Variants in SBF2 observed in about 807,000 individuals in gnomAD.
SBF2 encodes the protein myotubularin-related protein 13.
In SBF2, 112 loss-of-function variants were observed where a neutral mutation model predicts 225.2. The ratio of observed to expected loss-of-function variants is 0.50; its 90% confidence interval spans 0.43 to 0.58. The LOEUF (loss-of-function observed/expected upper bound fraction) is 0.58. Ranked by LOEUF, SBF2 falls within the 20% of genes least tolerant of loss-of-function variation. The pLI is 0.00. For missense variants in SBF2, 1,996 were observed against 2,206.2 expected (o/e 0.90, Z 1.91); for synonymous variants, 763 against 773.3 (o/e 0.99, Z 0.22).
Position 10,031,137 on chromosome 11 carries a change from T to C in SBF2, c.313A>G (p.Lys105Glu), listed in dbSNP as rs139730490. The C allele has an allele frequency of 6.2e-7, 1 of 1,613,630 alleles. No homozygotes were observed. Among genetic ancestry groups the C allele is most frequent in the East Asian group, 2.2e-5 (1 of 44,772 alleles). ...TKKEEIEGEAKVSGLIQPAEV... is the reference protein window; with the variant it reads ...TKKEEIEGEAEVSGLIQPAEV... ...GCAGGCTGAATTAAACCAGACACTT[T>C]TGCTTCACCTTCAATCTCTTCCTTC... The change falls in exon 4 of 40, where the codon AAA becomes GAA. Residue 105 changes from lysine (K) to glutamate (E), a missense_variant. By Grantham distance (56) the Lys-to-Glu change is moderately conservative. Transcript: ENST00000256190.
intron 2 of SBF2, among the ~76,000 whole-genome samples, chr11:10,066,358 CTTTTA>C (rs1262726103): frequency 3.3e-5 from 5 of 150,340 alleles, no homozygotes; most frequent in African/African-American, 9.8e-5. Flanking sequence ...ATATATATAT[CTTTTA>C]TTTTAGCAAA....
At chr11:10,058,237 C>CA (rs1445787530) in intron 2 of SBF2, among the ~76,000 whole-genome samples, 1 of 151,960 alleles carries the variant, frequency 6.6e-6, no homozygotes, top group Non-Finnish European at 1.5e-5. Flanking sequence ...AGGAGGATGG[C>CA]AAAACCCAAT....
At chr11:10,099,323 G>GA (rs554143369) in intron 2 of SBF2, among the ~76,000 whole-genome samples, 55 of 152,150 alleles carry the variant, frequency 3.6e-4, no homozygotes, top group South Asian at 1.7e-3. Context: ...TCAAAGGGCT[G>GA]AAAAAAACCA....
At chr11:10,118,314 C>T (rs61291463) in intron 2 of SBF2, among the ~76,000 whole-genome samples, 2,270 of 152,114 alleles carry the variant, frequency 0.015, 46 homozygotes, top group African/African-American at 0.039. Flanking sequence ...TTCCAGATTA[C>T]GACAGGGACT....
chr11:9,853,522 T>G lies in SBF2; in HGVS notation c.2536+18A>C. 6.2e-7 allele frequency: 1 copy of G among 1,609,518 alleles called. No homozygotes were observed. Among genetic ancestry groups the G allele is most frequent in the Non-Finnish European group, 8.5e-7 (1 of 1,175,872 alleles). Reference sequence around the variant, plus strand: ...AATCTCCAATATTCTGATTCTCTAATATCTGCAGAGTGATTACCTGGTATC... The same window carrying G: ...AATCTCCAATATTCTGATTCTCTAAGATCTGCAGAGTGATTACCTGGTATC... On this transcript the variant is annotated intron_variant, in intron 20 of 39. Transcript: ENST00000256190.
intron 1 of SBF2, among the ~76,000 whole-genome samples, chr11:10,242,681 C>A (rs142280015): frequency 3.3e-5 from 5 of 152,100 alleles, no homozygotes; most frequent in African/African-American, 1.2e-4. Context: ...CAAAAGAGAG[C>A]AAGGGTGACT....
intron 30 of SBF2, among the ~76,000 whole-genome samples, chr11:9,809,897 C>T (rs1854080842): frequency 6.6e-6 from 1 of 152,066 alleles, no homozygotes; most frequent in Admixed American, 6.5e-5. Flanking sequence ...GATAGTTACA[C>T]AATGTTGTGG....
At chr11:9,851,000 G>A (rs1856887777) in intron 21 of SBF2, among the ~76,000 whole-genome samples, 2 of 152,056 alleles carry the variant, frequency 1.3e-5, no homozygotes, top group African/African-American at 2.4e-5. Context: ...GCTGGGCATG[G>A]TGGCAGGCGC....
chr11:9,819,336 T>C (rs189301504), intron 28 of SBF2: 1 of 152,192 alleles, frequency 6.6e-6, no homozygotes, highest in African/African-American at 2.4e-5. Context: ...GAAAGAGAAA[T>C]AAAATGTATA....
intron 13 of SBF2, among the ~76,000 whole-genome samples, chr11:9,981,099 T>A (rs930254964): frequency 2.0e-5 from 3 of 152,208 alleles, no homozygotes; most frequent in Non-Finnish European, 4.4e-5. Context: ...AAATTTCAAA[T>A]GAATGTGACA....
chr11:9,975,695 C>T (rs957705418), intron 13 of SBF2, among the ~76,000 whole-genome samples: 6 of 152,100 alleles, frequency 3.9e-5, no homozygotes, highest in African/African-American at 1.4e-4. Flanking sequence ...GAGGGGGGTT[C>T]AATTTGAAGC....
At chr11:9,928,936 T>A (rs1197248537) in intron 16 of SBF2, 2 of 433,944 alleles carry the variant, frequency 4.6e-6, no homozygotes, top group Non-Finnish European at 8.8e-6. Flanking sequence ...GCAATTTTCT[T>A]GTTCGAGTTC....
At chr11:10,221,895 T>C (rs1958351936) in intron 1 of SBF2, among the ~76,000 whole-genome samples, 1 of 152,174 alleles carries the variant, frequency 6.6e-6, no homozygotes, top group Non-Finnish European at 1.5e-5. Context: ...TGTTTTACTA[T>C]CTTGAAGAAT....
At chr11:10,222,032 C>G (rs1201648889) in intron 1 of SBF2, among the ~76,000 whole-genome samples, 1 of 152,188 alleles carries the variant, frequency 6.6e-6, no homozygotes, top group Non-Finnish European at 1.5e-5. Context: ...TGGCTGACCC[C>G]TGAACCAAAC....
intron 2 of SBF2, among the ~76,000 whole-genome samples, chr11:10,054,148 T>C (rs572766163): frequency 9.8e-5 from 15 of 152,346 alleles, no homozygotes; most frequent in Admixed American, 3.3e-4. Flanking sequence ...GTCACCTATA[T>C]TGCTTTTGGT....
intron 2 of SBF2, among the ~76,000 whole-genome samples, chr11:10,066,697 C>T (rs1008424884): frequency 6.6e-6 from 1 of 152,106 alleles, no homozygotes; most frequent in African/African-American, 2.4e-5. Flanking sequence ...TGCTTTTCCA[C>T]TAAGATCAGA....
chr11:9,915,057 TGGA>T (rs1165518591), intron 16 of SBF2, among the ~76,000 whole-genome samples: 1 of 151,516 alleles, frequency 6.6e-6, no homozygotes, highest in East Asian at 1.9e-4. Context: ...AAAAGACAAG[TGGA>T]GAAGGATGAA....
chr11:10,215,641 C>G (rs1022209889), intron 1 of SBF2, among the ~76,000 whole-genome samples: 1 of 148,840 alleles, frequency 6.7e-6, no homozygotes, highest in Non-Finnish European at 1.5e-5. Flanking sequence ...AAACAAAAAA[C>G]CATGTACCTC....
intron 32 of SBF2, among the ~76,000 whole-genome samples, chr11:9,806,773 T>C (rs1322950940): frequency 6.6e-6 from 1 of 152,178 alleles, no homozygotes; most frequent in Non-Finnish European, 1.5e-5. Context: ...TCACTGCTCA[T>C]GAGTATGGAG....
Sources: allele counts gnomAD v4.1 joint callset (sites outside exome capture counted in the v4.1 genomes callset), GRCh38; gene constraint gnomAD v4.1.1; transcripts MANE v1.5; gene names NCBI Gene and HGNC (gene_info 2026-07-23, HGNC 2026-07-21).